Variants in WDR7 observed in about 807,000 individuals in gnomAD.
The protein encoded by WDR7 is WD repeat domain 7, also known as WD repeat-containing protein 7.
WDR7 carries 46 observed loss-of-function variants against 169.4 expected under a neutral mutation model. The ratio of observed to expected loss-of-function variants is 0.27; its 90% CI spans 0.21 to 0.35. The LOEUF is 0.35. Ranked by LOEUF, WDR7 falls within the 10% of genes least tolerant of loss-of-function variation. WDR7 has a pLI of 1.00. For synonymous variants in WDR7, 612 were observed against 666.8 expected (o/e 0.92, Z 1.27); for missense variants, 1,534 against 1,859.3 (o/e 0.83, Z 3.22).
chr18:56,962,315 C>T (rs750682324), intron 25 of WDR7, 115 bp from the exon 26 acceptor site: 10 of 565,772 alleles, frequency 1.8e-5, no homozygotes, highest in African/African-American at 3.8e-5. Context: ...ATATTTATTT[C>T]AAAATATATA....
intron 26 of WDR7, among the ~76,000 whole-genome samples, chr18:57,003,682 A>AT (rs938841885): frequency 3.7e-4 from 56 of 152,242 alleles, no homozygotes; most frequent in Admixed American, 1.1e-3. Flanking sequence ...TTCAGTAAAT[A>AT]TTTTTTAAAA....
chr18:56,757,856 C>A (rs2043920168), intron 15 of WDR7, among the ~76,000 whole-genome samples: 1 of 151,802 alleles, frequency 6.6e-6, no homozygotes, highest in South Asian at 2.1e-4. Context: ...GTAGTCCCAG[C>A]TACTTGGGGG....
chr18:56,954,197 A>G (rs2047219801), intron 25 of WDR7, among the ~76,000 whole-genome samples: 3 of 152,220 alleles, frequency 2.0e-5, no homozygotes, highest in African/African-American at 7.2e-5. Context: ...AGTGTTTAAT[A>G]CTGTTTTTGC....
chr18:56,733,132 A>G (rs1474090835), intron 14 of WDR7, among the ~76,000 whole-genome samples: 1 of 152,206 alleles, frequency 6.6e-6, no homozygotes, highest in Non-Finnish European at 1.5e-5. Flanking sequence ...TATCAGAGAC[A>G]CTACACTTAT....
At chr18:56,669,880 T>A (rs1209409961) in intron 1 of WDR7, among the ~76,000 whole-genome samples, 1 of 152,222 alleles carries the variant, frequency 6.6e-6, no homozygotes, top group Admixed American at 6.5e-5. Flanking sequence ...GGTGATAATG[T>A]TGGGAACGTT....
At chr18:56,841,515 C>T (rs2045485858) in intron 20 of WDR7, among the ~76,000 whole-genome samples, 1 of 149,894 alleles carries the variant, frequency 6.7e-6, no homozygotes, top group East Asian at 2.0e-4. Context: ...CACTGCACTC[C>T]AGCCTGGACG....
At chr18:56,691,471 A>T in intron 8 of WDR7, 110 bp downstream of exon 8, 1 of 1,246,466 alleles carries the variant, frequency 8.0e-7, no homozygotes, top group Non-Finnish European at 1.1e-6. Flanking sequence ...TAACTTTGAT[A>T]AAACACTTCA....
At chr18:56,797,783 G>A (rs8092471) in intron 19 of WDR7, among the ~76,000 whole-genome samples, 11,421 of 152,010 alleles carry the variant, frequency 0.075, 1,053 homozygotes, top group African/African-American at 0.22. Flanking sequence ...AAACTTAAAC[G>A]TAACATTAAG....
chr18:56,947,225 C>T (rs745437836), intron 25 of WDR7, among the ~76,000 whole-genome samples: 1 of 152,138 alleles, frequency 6.6e-6, no homozygotes, highest in Non-Finnish European at 1.5e-5. Context: ...TGCTGCAGCA[C>T]TGAATTAGTT....
At chr18:56,843,963 A>C (rs529079663) in intron 20 of WDR7, among the ~76,000 whole-genome samples, 1 of 151,520 alleles carries the variant, frequency 6.6e-6, no homozygotes, top group African/African-American at 2.4e-5. Context: ...CCCAGGTTCA[A>C]GCAATTGTCC....
At chr18:56,952,370 G>A (rs922222115) in intron 25 of WDR7, among the ~76,000 whole-genome samples, 42 of 152,158 alleles carry the variant, frequency 2.8e-4, no homozygotes, top group African/African-American at 8.0e-4. Flanking sequence ...AAATTTTTGC[G>A]TAGCAGCTAC....
At position 56,672,572 on chromosome 18, in the gene WDR7, A is replaced by G; in HGVS notation, c.57A>G (p.Thr19=). ...TTCTTTGGGGTCGAAAAGCGCCCAC[A>G]CATTGCATCTCAGCCGTACTTTTAA... is the stretch of plus-strand genomic sequence containing the variant. ...PIVLWGRKAP[T]HCISAVLLTD... The change falls in exon 2 of 28, where the codon ACA becomes ACG. Residue 19 remains threonine (T), a synonymous_variant. Coordinates refer to ENST00000254442, the MANE Select transcript of WDR7 (RefSeq NM_015285.3). 6.2e-7 allele frequency: 1 copy of G among 1,613,134 alleles called. No individual in the cohort carries two copies. The highest frequency in any genetic ancestry group is 8.5e-7 in the Non-Finnish European group (1 of 1,179,460).
chr18:56,824,168 C>T (rs945267940), intron 20 of WDR7, among the ~76,000 whole-genome samples: 1 of 152,160 alleles, frequency 6.6e-6, no homozygotes, highest in Non-Finnish European at 1.5e-5. Flanking sequence ...TGTGCCCCTC[C>T]ATCTGACTGG....
At chr18:56,974,599 C>T (rs370421801) in intron 26 of WDR7, among the ~76,000 whole-genome samples, 105 of 152,250 alleles carry the variant, frequency 6.9e-4, no homozygotes, top group African/African-American at 2.5e-3. Context: ...AGAGTAGCCT[C>T]CCGACCACGG....
Position 57,027,363 on chromosome 18 carries a change from A to C in WDR7, c.*156A>C. 4 of 907,240 alleles carry C rather than the reference A, an allele frequency of 4.4e-6. No homozygotes were observed. Among genetic ancestry groups the C allele is most frequent in the Non-Finnish European group, 6.6e-6 (4 of 610,090 alleles). 56.2% of individuals were successfully genotyped at this position (907,240 alleles called of 1,614,324 possible). On this transcript the variant is annotated 3_prime_UTR_variant, in exon 28 of 28. Coordinates refer to ENST00000254442, the MANE Select transcript of WDR7 (RefSeq NM_015285.3). ...GTCTTGTCACTTGTGCATGCTTCTC[A>C]GGGGCAGAACCCGCTCGTGCCATCT...
intron 25 of WDR7, among the ~76,000 whole-genome samples, chr18:56,952,453 A>G (rs1439287164): frequency 6.6e-6 from 1 of 152,248 alleles, no homozygotes; most frequent in African/African-American, 2.4e-5. Flanking sequence ...GTTAAAATAT[A>G]TACATCTTAA....
chr18:56,869,029 A>G (rs1474498115), intron 20 of WDR7, among the ~76,000 whole-genome samples: 1 of 152,178 alleles, frequency 6.6e-6, no homozygotes, highest in Non-Finnish European at 1.5e-5. Context: ...TGCAGATGGT[A>G]GGAAAATAGG....
intron 20 of WDR7, among the ~76,000 whole-genome samples, chr18:56,828,716 T>G (rs968696418): frequency 6.6e-6 from 1 of 152,102 alleles, no homozygotes; most frequent in Non-Finnish European, 1.5e-5. Flanking sequence ...TCAGCTCAGT[T>G]TTTAAGAGGG....
chr18:56,731,661 C>A, intron 14 of WDR7, 64 bp downstream of exon 14: 2 of 1,334,998 alleles, frequency 1.5e-6, no homozygotes, highest in Non-Finnish European at 2.0e-6. Context: ...AGTAACATGG[C>A]TTTGGCATAT....
Sources: gnomAD v4.1 joint callset for allele counts (sites outside exome capture counted in the v4.1 genomes callset) on GRCh38, gnomAD v4.1.1 for gene constraint, MANE v1.5 for transcripts, NCBI Gene and HGNC (gene_info 2026-07-23, HGNC 2026-07-21) for gene names.